PADI2: variants seen among roughly 807,000 people sequenced by gnomAD.
PADI2 encodes the protein peptidyl arginine deiminase 2, also known as protein-arginine deiminase type-2.
PADI2 carries 70 observed loss-of-function variants against 81.1 expected under a neutral mutation model. The ratio of observed to expected loss-of-function variants is 0.86; its 90% confidence interval spans 0.71 to 1.05. The LOEUF is 1.05. Among genes scored for constraint, PADI2 ranks in the 50% least tolerant of loss-of-function variants. The pLI is 0.00. For synonymous variants in PADI2, 338 were observed against 358.0 expected (o/e 0.94, Z 0.63); for missense variants, 853 against 889.9 (o/e 0.96, Z 0.53).
chr1:17,112,702 T>A (rs952600526), intron 1 of PADI2, among the ~76,000 whole-genome samples: 2 of 152,128 alleles, frequency 1.3e-5, no homozygotes, highest in African/African-American at 2.4e-5. Context: ...AGGCAAACAA[T>A]GACGTCTGCC....
In PADI2 at chr1:17,082,657, AG is replaced by A. The variant is rs749189020; in HGVS notation, c.1051-6del. 6 of 1,560,724 alleles carry A rather than the reference AG, an allele frequency of 3.8e-6. No homozygotes were observed. The Admixed American group carries it at 7.2e-5, about 19-fold the overall frequency. ...GTAGCCAAACTCAATTTCATCCTGC[AG>A]GGACACCAAGGAGAACTGTTAGACG... On this transcript the variant is annotated splice_polypyrimidine_tract_variant and splice_region_variant and intron_variant, in intron 9 of 15. Coordinates refer to ENST00000375486, the MANE Select transcript of PADI2 (RefSeq NM_007365.3).
chr1:17,100,693 G>A (rs757994585), intron 3 of PADI2, among the ~76,000 whole-genome samples: 11 of 130,956 alleles, frequency 8.4e-5, no homozygotes, highest in South Asian at 2.4e-4. Context: ...ACAAAGTCTC[G>A]CTCTGTCGCC....
At chr1:17,116,113 G>A (rs761885750) in intron 1 of PADI2, among the ~76,000 whole-genome samples, 2 of 152,316 alleles carry the variant, frequency 1.3e-5, no homozygotes, top group South Asian at 2.1e-4. Context: ...TTCTCTGATC[G>A]ACCCCCATTT....
intron 1 of PADI2, among the ~76,000 whole-genome samples, chr1:17,107,065 G>A (rs959022513): frequency 1.3e-5 from 2 of 152,184 alleles, no homozygotes; most frequent in African/African-American, 2.4e-5. Flanking sequence ...AGGGAGGAAG[G>A]TGCCTAGGGC....
At chr1:17,082,429 C>G (rs2078350971) in intron 10 of PADI2, 116 bp downstream of exon 10, 1 of 709,254 alleles carries the variant, frequency 1.4e-6, no homozygotes, top group Non-Finnish European at 2.5e-6. Flanking sequence ...AGAGGAGAAA[C>G]AGAGGCTCTG....
At chr1:17,069,949 C>G in intron 15 of PADI2, 139 bp downstream of exon 15, 1 of 928,128 alleles carries the variant, frequency 1.1e-6, no homozygotes, top group Non-Finnish European at 1.6e-6. Flanking sequence ...AGGGCAAGTG[C>G]CTGAGGTGAG....
intron 15 of PADI2, 22 bp downstream of exon 15, chr1:17,070,066 G>A (rs1339092267): frequency 1.9e-6 from 3 of 1,612,056 alleles, no homozygotes; most frequent in Non-Finnish European, 2.5e-6. Context: ...TGGGGCGAGG[G>A]TTGGGGTCTG....
chr1:17,074,675 G>A (rs1261034302), intron 13 of PADI2, among the ~76,000 whole-genome samples, 181 bp downstream of exon 13: 1 of 152,206 alleles, frequency 6.6e-6, no homozygotes, highest in Non-Finnish European at 1.5e-5. Flanking sequence ...CCACAGCAAG[G>A]GTCACAGGAG....
In PADI2 at chr1:17,067,847, A is replaced by G. The variant is rs1351864404; in HGVS notation, c.*1197T>C. 6 of 152,278 alleles carry G rather than the reference A, an allele frequency of 3.9e-5. No homozygotes were observed. The highest frequency in any genetic ancestry group is 3.9e-4 in the Admixed American group (6 of 15,286). 9.4% of individuals were successfully genotyped at this position (152,278 alleles called of 1,614,324 possible). ...GTTCTTCAAAATGGGATTATAATTC[A>G]TTTATTCTTCTGGCCCTAAAGGAAC... On this transcript the variant is annotated 3_prime_UTR_variant, in exon 16 of 16. Transcript: ENST00000375486.
intron 3 of PADI2, among the ~76,000 whole-genome samples, chr1:17,101,533 AC>A (rs1040579108): frequency 2.6e-5 from 4 of 151,922 alleles, no homozygotes; most frequent in African/African-American, 9.7e-5. Context: ...ATCATCTGCC[AC>A]CCTCACCAAG....
intron 8 of PADI2, among the ~76,000 whole-genome samples, chr1:17,084,208 C>G (rs974362176): frequency 1.3e-5 from 2 of 152,196 alleles, no homozygotes. Context: ...ATCACAGGCA[C>G]TTTTTCCCTT....
chr1:17,079,102 T>C (rs1435431751), intron 11 of PADI2, 162 bp downstream of exon 11: 12 of 580,072 alleles, frequency 2.1e-5, no homozygotes, highest in Non-Finnish European at 3.7e-5. Flanking sequence ...AAAGGCTAGC[T>C]TGATTTTCTT....
Position 17,071,484 on chromosome 1 carries a change from A to G in PADI2, c.1557T>C (p.Gly519=). The G allele has an allele frequency of 1.2e-6, 2 of 1,613,336 alleles. No homozygotes were observed. Among genetic ancestry groups the G allele is most frequent in the Non-Finnish European group, 1.7e-6 (2 of 1,179,548 alleles). The change falls in exon 14 of 16, where the codon GGT becomes GGC. Residue 519 remains glycine (G), a synonymous_variant. Transcript: ENST00000375486. ...TGGTGATTCGCTTGCTGCTCATCCC[A>G]CCCAAGCCTGTGGGGTTCAAAGGAC... The part of the protein sequence containing the change: ...HGEAIMFKGL[G]GMSSKRITIN...
Position 17,119,319 on chromosome 1 carries a change from A to G in PADI2, c.53T>C (p.Val18Ala), listed in dbSNP as rs1194009550. 3.8e-6 allele frequency: 6 copies of G among 1,559,392 alleles called. No individual in the cohort carries two copies. The African/African-American group carries it at 6.9e-5, about 18-fold the overall frequency. The change falls in exon 1 of 16, where the codon GTG becomes GCG. Residue 18 changes from valine (V) to alanine (A), a missense_variant. Val to Ala is a moderately conservative substitution (Grantham distance 64). Transcript: ENST00000375486. The surrounding 1 kb of genome is among the most constrained non-coding windows in gnomAD (Gnocchi z 4.8). ...RLQYGSRVEAVYVLGTYLWTD... is the reference protein window; with the variant it reads ...RLQYGSRVEAAYVLGTYLWTD... ...CCAGAGGTAGGTGCCCAGCACGTAC[A>G]CCGCCTCCACGCGGCTCCCGTACTG...
At chr1:17,097,493 G>A (rs1930978711) in intron 3 of PADI2, among the ~76,000 whole-genome samples, 1 of 152,182 alleles carries the variant, frequency 6.6e-6, no homozygotes, top group African/African-American at 2.4e-5. Flanking sequence ...GGCATAATTT[G>A]TAACCTCCTC....
At chr1:17,108,386 C>A (rs1036013833) in intron 1 of PADI2, among the ~76,000 whole-genome samples, 1 of 152,086 alleles carries the variant, frequency 6.6e-6, no homozygotes, top group African/African-American at 2.4e-5. Context: ...ATCTGTTAGT[C>A]CCTACGCCTC....
Position 17,103,066 on chromosome 1 carries a change from G to T in PADI2, c.277-7C>A, listed in dbSNP as rs1173780625. 3 of 1,609,076 alleles carry T rather than the reference G, an allele frequency of 1.9e-6. 1 individual carries two copies. On this transcript the variant is annotated splice_region_variant and splice_polypyrimidine_tract_variant and intron_variant, in intron 2 of 15. Coordinates refer to ENST00000375486, the MANE Select transcript of PADI2 (RefSeq NM_007365.3). ...CATAGTAGTTGACGGTGACCTTGGT[G>T]GGGAGGGGGCACATTGGAGTAGAGA...
Position 17,074,866 on chromosome 1 carries a change from G to C in PADI2, c.1539C>G (p.Ile513Met), listed in dbSNP as rs373758719. The part of the protein sequence containing the change: ...EKQKDGHGEA[I>M]MFKGLGGMSS... ...CCTGTGGCCACTCACCTTTGAACATGATGGCCTCTCCATGGCCGTCCTTCT... is the reference window on the plus strand; with the variant it reads ...CCTGTGGCCACTCACCTTTGAACATCATGGCCTCTCCATGGCCGTCCTTCT... Residue 513 changes from isoleucine (I) to methionine (M), a missense_variant, in exon 13 of 16, where the codon ATC becomes ATG. By Grantham distance (10) the Ile-to-Met change is conservative. Coordinates refer to ENST00000375486, the MANE Select transcript of PADI2 (RefSeq NM_007365.3). 1.6e-5 allele frequency: 26 copies of C among 1,609,440 alleles called. No individual in the cohort carries two copies. In the Admixed American group the frequency reaches 3.2e-4, roughly 20 times the overall value.
chr1:17,074,954 A>T lies in PADI2; in HGVS notation c.1456-5T>A. On this transcript the variant is annotated splice_polypyrimidine_tract_variant and splice_region_variant and intron_variant, in intron 12 of 15. Coordinates refer to ENST00000375486, the MANE Select transcript of PADI2 (RefSeq NM_007365.3). ...GGCCATGAGTAGCAGGAATTTCTGC[A>T]AGAGACAGTCCAGAGGGACAGAGTC... is the stretch of plus-strand genomic sequence containing the variant. 1 of 1,603,100 alleles carries T rather than the reference A, an allele frequency of 6.2e-7. No individual in the cohort carries two copies. The highest frequency in any genetic ancestry group is 8.5e-7 in the Non-Finnish European group (1 of 1,170,996).
Sources: allele counts gnomAD v4.1 joint callset (sites outside exome capture counted in the v4.1 genomes callset), GRCh38; gene constraint gnomAD v4.1.1; non-coding constraint Gnocchi (gnomAD v3.1); transcripts MANE v1.5; gene names NCBI Gene and HGNC (gene_info 2026-07-23, HGNC 2026-07-21).